Variants in PCYT2 observed in about 807,000 individuals in gnomAD.
The protein encoded by PCYT2 is ethanolamine-phosphate cytidylyltransferase.
In PCYT2, 33 loss-of-function variants were observed where a neutral mutation model predicts 50.0. The observed-to-expected ratio is 0.66, with a 90% CI of 0.50 to 0.88. PCYT2 has a LOEUF of 0.88. PCYT2 is among the 40% of genes least tolerant of loss of function. The pLI, the probability that PCYT2 is intolerant of heterozygous loss-of-function variation, is 0.00. For synonymous variants in PCYT2, 240 were observed against 203.7 expected (o/e 1.18, Z -1.52); for missense variants, 430 against 519.7 (o/e 0.83, Z 1.68).
chr17:81,904,976 G>A (rs377163585), intron 12 of PCYT2, 32 bp from the exon 13 acceptor site: 54 of 1,591,984 alleles, frequency 3.4e-5, no homozygotes, highest in Non-Finnish European at 4.2e-5. Flanking sequence ...AGCAGAGAGC[G>A]CCCATGAGGC....
intron 4 of PCYT2, 131 bp from the exon 5 acceptor site, chr17:81,907,988 C>T: frequency 1.4e-6 from 1 of 712,936 alleles, no homozygotes; most frequent in South Asian, 1.8e-5. Flanking sequence ...CTGAGGGTCC[C>T]CTTCCTGTGC....
chr17:81,907,308 AG>A, intron 6 of PCYT2: 1 of 1,465,012 alleles, frequency 6.8e-7, no homozygotes, highest in Non-Finnish European at 9.1e-7. Flanking sequence ...ACCTGTCCAC[AG>A]GCAAATCCTT....
Position 81,908,937 on chromosome 17 carries a change from A to T in PCYT2, c.279T>A (p.Ala93=). 5 of 1,613,876 alleles carry T rather than the reference A, an allele frequency of 3.1e-6. No homozygotes were observed. The highest frequency in any genetic ancestry group is 4.2e-6 in the Non-Finnish European group (5 of 1,179,950). ...IKWVDEVVPA[A]PYVTTLETLD... Reference sequence around the variant, plus strand: ...GGGTCTCTAGTGTAGTGACGTAGGGAGCCGCTGGCACCACCTCGTCCACCC... The same window carrying T: ...GGGTCTCTAGTGTAGTGACGTAGGGTGCCGCTGGCACCACCTCGTCCACCC... The change falls in exon 3 of 13, where the codon GCT becomes GCA. Residue 93 remains alanine, a synonymous_variant. Transcript: ENST00000538936.
At chr17:81,910,742 G>A (rs74006133) in intron 1 of PCYT2, among the ~76,000 whole-genome samples, 8,914 of 152,300 alleles carry the variant, frequency 0.059, 880 homozygotes, top group African/African-American at 0.2. Context: ...AGTAACGGTC[G>A]TCTTCCTTTC....
chr17:81,905,464 G>T lies in PCYT2; in HGVS notation c.904-17C>A. 3.8e-6 allele frequency: 6 copies of T among 1,562,502 alleles called. No individual in the cohort carries two copies. Among genetic ancestry groups the T allele is most frequent in the Non-Finnish European group, 4.3e-6 (5 of 1,153,348 alleles). On this transcript the variant is annotated splice_polypyrimidine_tract_variant and intron_variant, in intron 10 of 12. Transcript: ENST00000538936. ...CAGGTCCACCTGGAGAAGGAGTGGG[G>T]TCAGGAGCCCTCCCCGGGGAGGCAG...
At chr17:81,905,524 G>A (rs966066945) in intron 10 of PCYT2, 77 bp from the exon 11 acceptor site, 19 of 1,473,294 alleles carry the variant, frequency 1.3e-5, no homozygotes, top group African/African-American at 5.6e-5. Flanking sequence ...CACAGGCCCC[G>A]GGGGTTGGGA....
chr17:81,905,499 C>T, intron 10 of PCYT2, 52 bp from the exon 11 acceptor site: 2 of 1,519,958 alleles, frequency 1.3e-6, no homozygotes, highest in Non-Finnish European at 1.8e-6. Flanking sequence ...GCGGCCGTCG[C>T]CACCCACAGC....
At chr17:81,908,476 C>T in intron 4 of PCYT2, 92 bp downstream of exon 4, 2 of 959,646 alleles carry the variant, frequency 2.1e-6, no homozygotes, top group East Asian at 2.5e-5. Flanking sequence ...TGGACGCTCC[C>T]CTCACGGGCT....
rs2040455575 is a variant in PCYT2, at chr17:81,909,444, CT to C, written c.178+69del. On this transcript the variant is annotated intron_variant, in intron 2 of 12. Coordinates refer to ENST00000538936, the MANE Select transcript of PCYT2 (RefSeq NM_002861.5). ...GGCAAGGTGGCCCCAGGCCTGCAGGCTTTCAGTCAACAGTCGCAACCCACAG... is the reference window on the plus strand; with the variant it reads ...GGCAAGGTGGCCCCAGGCCTGCAGGCTTCAGTCAACAGTCGCAACCCACAG... The C allele has an allele frequency of 2.0e-6, 3 of 1,526,300 alleles. No individual in the cohort carries two copies. The African/African-American group carries it at 4.1e-5, about 21-fold the overall frequency. 94.5% of individuals were successfully genotyped at this position (1,526,300 alleles called of 1,614,324 possible).
At chr17:81,909,722 C>T in intron 1 of PCYT2, 120 bp from the exon 2 acceptor site, 1 of 729,462 alleles carries the variant, frequency 1.4e-6, no homozygotes, top group Non-Finnish European at 2.5e-6. Context: ...TGAGAAGCTG[C>T]TGCTGGGAGC....
rs557217506 is a variant in PCYT2, at chr17:81,902,617, C to G, written c.*2216G>C. On this transcript the variant is annotated 3_prime_UTR_variant, in exon 13 of 13. Transcript: ENST00000538936. Reference sequence around the variant, plus strand: ...CCTCAGCCTTTGCTTGCCTGCCCCCCAGGCTGTGTGCGTCCAGGACGTCGC... The same window carrying G: ...CCTCAGCCTTTGCTTGCCTGCCCCCGAGGCTGTGTGCGTCCAGGACGTCGC... 8.8e-6 allele frequency: 14 copies of G among 1,582,612 alleles called. No individual in the cohort carries two copies. The highest frequency in any genetic ancestry group is 1.1e-5 in the Non-Finnish European group (13 of 1,168,758).
Position 81,905,445 on chromosome 17 carries a change from C to T in PCYT2, c.906G>A (p.Val302=). 1 of 1,565,650 alleles carries T rather than the reference C, an allele frequency of 6.4e-7. No individual in the cohort carries two copies. Among genetic ancestry groups the T allele is most frequent in the South Asian group, 1.2e-5 (1 of 85,732 alleles). Residue 302 remains valine, a splice_region_variant and synonymous_variant, in exon 11 of 13, where the codon GTG becomes GTA. Coordinates refer to ENST00000538936, the MANE Select transcript of PCYT2 (RefSeq NM_002861.5). Reference sequence around the variant, plus strand: ...CTGTCTTGCCGTGACACACCAGGTCCACCTGGAGAAGGAGTGGGGTCAGGA... The same window carrying T: ...CTGTCTTGCCGTGACACACCAGGTCTACCTGGAGAAGGAGTGGGGTCAGGA... ...VTAELLSHFK[V]DLVCHGKTEI...
intron 1 of PCYT2, 146 bp downstream of exon 1, chr17:81,911,121 G>T: frequency 1.0e-6 from 1 of 1,002,320 alleles, no homozygotes; most frequent in Non-Finnish European, 1.2e-6. Context: ...CCCGGCAGGC[G>T]AGCCCCGCAG....
intron 9 of PCYT2, 41 bp downstream of exon 9, chr17:81,906,059 A>T (rs754777667): frequency 6.5e-7 from 1 of 1,549,036 alleles, no homozygotes; most frequent in South Asian, 1.2e-5. Flanking sequence ...TGTTGTGGGA[A>T]TGTCTCCCCA....
chr17:81,908,123 G>A (rs558536597), intron 4 of PCYT2, among the ~76,000 whole-genome samples: 28 of 152,336 alleles, frequency 1.8e-4, no homozygotes, highest in Admixed American at 1.6e-3. Flanking sequence ...ATGCCAGGGA[G>A]AGGATGGGCA....
At chr17:81,910,503 AG>A (rs1309873848) in intron 1 of PCYT2, among the ~76,000 whole-genome samples, 4 of 152,020 alleles carry the variant, frequency 2.6e-5, no homozygotes, top group Admixed American at 2.6e-4. Flanking sequence ...GGAGGGGAGG[AG>A]GGGGCAGAGG....
In PCYT2 at chr17:81,911,256, C is replaced by A; in HGVS notation, c.89+11G>T. On this transcript the variant is annotated intron_variant, in intron 1 of 12. Coordinates refer to ENST00000538936, the MANE Select transcript of PCYT2 (RefSeq NM_002861.5). Reference sequence around the variant, plus strand: ...CGGCGCCCCCGCGGCCCGCCCCGGCCCCGCGCTCACCAGCCATCGCACCAC... The same window carrying A: ...CGGCGCCCCCGCGGCCCGCCCCGGCACCGCGCTCACCAGCCATCGCACCAC... 9.5e-7 allele frequency: 1 copy of A among 1,050,530 alleles called. No individual in the cohort carries two copies. The highest frequency in any genetic ancestry group is 1.1e-6 in the Non-Finnish European group (1 of 873,250). 65.1% of individuals were successfully genotyped at this position (1,050,530 alleles called of 1,614,324 possible).
At chr17:81,907,393 C>G in intron 6 of PCYT2, 161 bp downstream of exon 6, 1 of 1,174,196 alleles carries the variant, frequency 8.5e-7, no homozygotes, top group South Asian at 1.4e-5. Context: ...CCAGCATCCA[C>G]CAGTGAGCCA....
Position 81,907,782 on chromosome 17 carries a change from G to A in PCYT2, c.483C>T (p.His161=), listed in dbSNP as rs1380110497. 3 of 1,613,292 alleles carry A rather than the reference G, an allele frequency of 1.9e-6. No homozygotes were observed. The highest frequency in any genetic ancestry group is 2.5e-6 in the Non-Finnish European group (3 of 1,179,962). The stretch of plus-strand genomic sequence containing the variant: ...TCCGCCGCCGACTCACCTGGCTGCT[G>A]TGATGGGCTTTGGTTACCAGCAGCA... The part of the protein sequence containing the change: ...GRMLLVTKAH[H]SSQEMSSEYR... Residue 161 remains histidine (H), a synonymous_variant, in exon 5 of 13, where the codon CAC becomes CAT. Transcript: ENST00000538936.
Sources: gnomAD v4.1 joint callset for allele counts (sites outside exome capture counted in the v4.1 genomes callset) on GRCh38, gnomAD v4.1.1 for gene constraint, MANE v1.5 for transcripts, NCBI Gene and HGNC (gene_info 2026-07-23, HGNC 2026-07-21) for gene names.